The following LRP1 variants were observed in gnomAD, a reference collection of about 807,000 sequenced individuals.
LRP1 encodes the protein LDL receptor related protein 1.
Under a neutral mutation model 541.5 loss-of-function variants are expected in LRP1, and 51 were observed. That is an observed-to-expected ratio of 0.09 (90% confidence interval 0.08 to 0.12). LRP1 has a LOEUF of 0.12. Ranked by LOEUF, LRP1 falls within the 10% of genes least tolerant of loss-of-function variation. The pLI is 1.00. For missense variants in LRP1, 3,878 were observed against 6,376.2 expected (o/e 0.61, Z 13.34); for synonymous variants, 2,219 against 2,470.8 (o/e 0.90, Z 3.02).
At position 57,212,792 on chromosome 12, in the gene LRP1, G is replaced by A; in HGVS notation, c.*237G>A. On this transcript the variant is annotated 3_prime_UTR_variant, in exon 89 of 89. Transcript: ENST00000243077. This position sits in a 1 kb window ranked among gnomAD's most constrained non-coding sequence, Gnocchi z 5.0. ...CATGCTGCCTTCAGGGAGACAGGCA[G>A]GGAGGGCTTGGGGCTGCACCTCCTA... 1 of 499,814 alleles carries A rather than the reference G, an allele frequency of 2.0e-6. No individual in the cohort carries two copies. 31.0% of individuals were successfully genotyped at this position (499,814 alleles called of 1,614,324 possible). A position where few individuals can be genotyped will look rare whatever the true frequency, so the allele number is the denominator to read the frequency against.
chr12:57,150,062 T>C lies in LRP1; in HGVS notation c.842-4146T>C, dbSNP rs1339408879. 4.9e-5 allele frequency: 16 copies of C among 328,704 alleles called. 1 individual carries two copies. The highest frequency in any genetic ancestry group is 6.8e-5 in the Non-Finnish European group (12 of 177,708). 20.4% of individuals were successfully genotyped at this position (328,704 alleles called of 1,614,324 possible). On this transcript the variant is annotated intron_variant, in intron 6 of 88. Coordinates refer to ENST00000243077, the MANE Select transcript of LRP1 (RefSeq NM_002332.3). ...AATATTTGTTCAATGGATCAATACA[T>C]GTGTGTCAGACGCCTGAGACAAAGA...
At chr12:57,144,761 A>G in intron 4 of LRP1, 1 of 585,216 alleles carries the variant, frequency 1.7e-6, no homozygotes, top group South Asian at 2.0e-5. Flanking sequence ...TGCGTGGATG[A>G]GTGATATGTA....
chr12:57,186,099 G>A (rs142229923), intron 41 of LRP1, among the ~76,000 whole-genome samples, 191 bp downstream of exon 41: 269 of 152,198 alleles, frequency 1.8e-3, no homozygotes, highest in African/African-American at 6.1e-3. Context: ...ACTTCCTCCC[G>A]CCACTGGTCC....
intron 6 of LRP1, chr12:57,149,478 G>A (rs971111678): frequency 8.3e-6 from 5 of 605,678 alleles, no homozygotes; most frequent in Admixed American, 5.5e-5. Flanking sequence ...CACTCCCCTT[G>A]CTGTTTTCAA....
chr12:57,143,876 G>C, intron 4 of LRP1, 78 bp downstream of exon 4: 2 of 1,494,438 alleles, frequency 1.3e-6, no homozygotes, highest in Non-Finnish European at 1.8e-6. Context: ...GCAGAGAGGG[G>C]TAGGGGGCCT....
intron 1 of LRP1, among the ~76,000 whole-genome samples, chr12:57,130,291 G>C (rs2035011516): frequency 6.6e-6 from 1 of 152,126 alleles, no homozygotes; most frequent in African/African-American, 2.4e-5. Context: ...TCTGAAACCA[G>C]ATTATCTCCC....
rs1197236464 is a variant in LRP1, at chr12:57,195,652, CCA to C, written c.8438-3_8438-2del. On this transcript the variant is annotated splice_region_variant and splice_polypyrimidine_tract_variant and intron_variant, in intron 52 of 88. Transcript: ENST00000243077. ...GCTGAAGGGCTGTGTCCACCTCTGT[CCA>C]CAGTGTACAACAGCACTTGTGACGA... 1 of 1,614,062 alleles carries C rather than the reference CCA, an allele frequency of 6.2e-7. No homozygotes were observed. Among genetic ancestry groups the C allele is most frequent in the South Asian group, 1.1e-5 (1 of 91,088 alleles).
chr12:57,148,609 TC>T (rs1311615534), intron 6 of LRP1, among the ~76,000 whole-genome samples: 2 of 152,142 alleles, frequency 1.3e-5, no homozygotes, highest in African/African-American at 2.4e-5. Flanking sequence ...TGATCTGTAT[TC>T]CCTTCACCTT....
At chr12:57,146,184 G>A (rs747211301) in intron 6 of LRP1, among the ~76,000 whole-genome samples, 1 of 151,642 alleles carries the variant, frequency 6.6e-6, no homozygotes, top group Non-Finnish European at 1.5e-5. Flanking sequence ...GCCGGGAACA[G>A]CCCTGCCCAT....
chr12:57,181,269 G>A lies in LRP1; in HGVS notation c.5640G>A (p.Arg1880=), dbSNP rs768184322. The A allele has an allele frequency of 3.1e-6, 5 of 1,613,130 alleles. No individual in the cohort carries two copies. The South Asian group carries it at 4.4e-5, about 14-fold the overall frequency. The part of the protein sequence containing the change: ...SCMCTAGYSL[R]SGQQACEGVG... ...TGTGCACAGCCGGCTATAGCCTCCGGAGTGGCCAGCAGGCCTGCGAGGGTC... is the reference window on the plus strand; with the variant it reads ...TGTGCACAGCCGGCTATAGCCTCCGAAGTGGCCAGCAGGCCTGCGAGGGTC... Residue 1880 remains arginine (R), a synonymous_variant, in exon 34 of 89, where the codon CGG becomes CGA. Transcript: ENST00000243077.
At chr12:57,142,073 G>C (rs2035303416) in intron 3 of LRP1, among the ~76,000 whole-genome samples, 1 of 152,156 alleles carries the variant, frequency 6.6e-6, no homozygotes, top group African/African-American at 2.4e-5. Context: ...CATCCAGGCC[G>C]AGGTGGGAAC....
At chr12:57,167,105 A>T (rs945753217) in intron 18 of LRP1, 59 bp downstream of exon 18, 26 of 1,449,524 alleles carry the variant, frequency 1.8e-5, no homozygotes, top group Non-Finnish European at 2.5e-5. Context: ...TCCTGAGAGC[A>T]TGCCAGTTGG....
chr12:57,200,421 T>G, intron 62 of LRP1, 21 bp from the exon 63 acceptor site: 36 of 842,328 alleles, frequency 4.3e-5, no homozygotes, highest in African/African-American at 5.6e-5. Context: ...CCAACCCCTC[T>G]TGCCCCCACC....
intron 15 of LRP1, 132 bp downstream of exon 15, chr12:57,163,115 G>T: frequency 1.5e-6 from 2 of 1,300,224 alleles, no homozygotes; most frequent in Non-Finnish European, 2.1e-6. Context: ...GGGGCCAACA[G>T]GAAGCAAGGG....
At chr12:57,164,016 C>G (rs1337039857) in intron 15 of LRP1, among the ~76,000 whole-genome samples, 1 of 152,050 alleles carries the variant, frequency 6.6e-6, no homozygotes, top group Non-Finnish European at 1.5e-5. Context: ...ACTAAAAACA[C>G]AAAAATTAGC....
Position 57,179,256 on chromosome 12 carries a change from C to A in LRP1, c.4739-73C>A. On this transcript the variant is annotated intron_variant, in intron 28 of 88. Coordinates refer to ENST00000243077, the MANE Select transcript of LRP1 (RefSeq NM_002332.3). This position sits in a 1 kb window ranked among gnomAD's most constrained non-coding sequence, Gnocchi z 6.8. ...GCAAACAGACGGATCCAGAAGAAGG[C>A]AGGGCCTGAAACCGGATTGGTGGGA... The A allele has an allele frequency of 7.7e-7, 1 of 1,300,336 alleles. No individual in the cohort carries two copies. The highest frequency in any genetic ancestry group is 1.1e-6 in the Non-Finnish European group (1 of 915,774). The allele number at this position is 1,300,336 out of a possible 1,614,324, so 80.5% of individuals were successfully genotyped here.
intron 1 of LRP1, among the ~76,000 whole-genome samples, chr12:57,133,129 AAGAACTGG>A (rs1338317510): frequency 2.0e-5 from 3 of 152,172 alleles, no homozygotes; most frequent in African/African-American, 7.2e-5. Flanking sequence ...CCAGGAGCCT[AAGAACTGG>A]AGAAAGATGT....
Position 57,205,463 on chromosome 12 carries a change from G to T in LRP1, c.11448G>T (p.Val3816=), listed in dbSNP as rs1477845936. 6.2e-7 allele frequency: 1 copy of T among 1,610,880 alleles called. No individual in the cohort carries two copies. Among genetic ancestry groups the T allele is most frequent in the African/African-American group, 1.3e-5 (1 of 74,990 alleles). ...YCACRSGFHT[V]PGQPGCQDIN... ...CCTGCCGCTCGGGCTTCCACACCGTGCCCGGCCAGCCCGGATGCCAAGGTA... is the reference window on the plus strand; with the variant it reads ...CCTGCCGCTCGGGCTTCCACACCGTTCCCGGCCAGCCCGGATGCCAAGGTA... Residue 3816 remains valine, a synonymous_variant, in exon 74 of 89, where the codon GTG becomes GTT. Transcript: ENST00000243077. The surrounding 1 kb of genome is among the most constrained non-coding windows in gnomAD (Gnocchi z 4.6).
Position 57,159,874 on chromosome 12 carries a change from G to A in LRP1, c.1848G>A (p.Leu616=). Residue 616 remains leucine (L), a synonymous_variant, in exon 12 of 89, where the codon CTG becomes CTA. Coordinates refer to ENST00000243077, the MANE Select transcript of LRP1 (RefSeq NM_002332.3). ...GVAVDWMGDN[L]YWTDDGPKKT... is the part of the protein sequence containing the mutation. ...CCGTGGACTGGATGGGAGACAATCT[G>A]TACTGGACGGACGATGGGCCCAAAA... 1 of 1,614,228 alleles carries A rather than the reference G, an allele frequency of 6.2e-7. No homozygotes were observed. The highest frequency in any genetic ancestry group is 8.5e-7 in the Non-Finnish European group (1 of 1,180,032).
Sources: allele counts gnomAD v4.1 joint callset (sites outside exome capture counted in the v4.1 genomes callset), GRCh38; gene constraint gnomAD v4.1.1; non-coding constraint Gnocchi (gnomAD v3.1); transcripts MANE v1.5; gene names NCBI Gene and HGNC (gene_info 2026-07-23, HGNC 2026-07-21).